The following CCND3 variants were observed in gnomAD, a reference collection of about 807,000 sequenced individuals.
CCND3 encodes the protein G1/S-specific cyclin-D3.
Under a neutral mutation model 28.7 loss-of-function variants are expected in CCND3, and 9 were observed. The ratio of observed to expected loss-of-function variants is 0.31; its 90% CI spans 0.19 to 0.55. CCND3 has a LOEUF of 0.55. Ranked by LOEUF, CCND3 falls within the 20% of genes least tolerant of loss-of-function variation. The pLI, the probability that CCND3 is intolerant of heterozygous loss-of-function variation, is 0.93. For synonymous variants in CCND3, 164 were observed against 163.9 expected, an observed-to-expected ratio of 1.00 and a Z score of 0.00; for missense variants, 315 against 385.8, an observed-to-expected ratio of 0.82 and a Z score of 1.54.
At chr6:41,944,476 A>C (rs1776120409), upstream of CCND3, among the ~76,000 whole-genome samples, 1 of 151,282 alleles carries the variant, frequency 6.6e-6, no homozygotes, top group African/African-American at 2.4e-5. Flanking sequence ...TGCTCTTGTC[A>C]CCAGGCTGGA....
In CCND3 at chr6:41,977,288, C is replaced by T. The variant is rs78706867; in HGVS notation, c.-45-36703G>A. ...GGTTATGAGAGAAAAAACCCATAGT[C>T]TATATATACTGCATTTCATAAAATA... On this transcript the variant is annotated intron_variant, in intron 1 of 4. Coordinates refer to the CCND3 transcript ENST00000372988. 1.6e-3 allele frequency among the ~76,000 whole-genome samples: 249 copies of T among 152,264 alleles called. 1 individual carries two copies. The highest frequency in any genetic ancestry group is 5.5e-3 in the African/African-American group (227 of 41,548).
At chr6:42,000,582 TCTGAGACGGAG>T (rs1762976243) in intron 1 of CCND3, among the ~76,000 whole-genome samples, 1 of 145,766 alleles carries the variant, frequency 6.9e-6, no homozygotes, top group Non-Finnish European at 1.5e-5. Flanking sequence ...TTTTTTTTTT[TCTGAGACGGAG>T]TTTCACTCTT....
chr6:41,952,566 C>T (rs901641500), intron 1 of CCND3, among the ~76,000 whole-genome samples: 22 of 152,166 alleles, frequency 1.4e-4, no homozygotes, highest in African/African-American at 5.1e-4. Context: ...TACTTCCAGC[C>T]TTTTTGTGGG....
chr6:41,997,542 A>G (rs1762845181), intron 1 of CCND3, among the ~76,000 whole-genome samples: 1 of 152,150 alleles, frequency 6.6e-6, no homozygotes, highest in South Asian at 2.1e-4. Context: ...TTAAGAGGCC[A>G]TTACAATAAA....
At chr6:42,044,392 T>G (rs1335319005) in intron 1 of CCND3, among the ~76,000 whole-genome samples, 3 of 152,136 alleles carry the variant, frequency 2.0e-5, no homozygotes. Context: ...GGGCAACAGC[T>G]CCACCTGGTG....
intron 1 of CCND3, among the ~76,000 whole-genome samples, chr6:42,042,418 T>G (rs1764398780): frequency 6.6e-6 from 1 of 150,908 alleles, no homozygotes; most frequent in African/African-American, 2.4e-5. Context: ...TGGAGTGCAA[T>G]GGCGCGATCT....
intron 1 of CCND3, among the ~76,000 whole-genome samples, chr6:41,986,410 G>T (rs911010288): frequency 2.0e-5 from 3 of 151,836 alleles, no homozygotes; most frequent in African/African-American, 7.3e-5. Flanking sequence ...CATGAACACA[G>T]AATATCATTC....
At chr6:42,012,071 T>G (rs1386620785) in intron 1 of CCND3, among the ~76,000 whole-genome samples, 1 of 152,178 alleles carries the variant, frequency 6.6e-6, no homozygotes, top group East Asian at 1.9e-4. Flanking sequence ...TGCCCACTCT[T>G]CAAAAATGTT....
upstream of CCND3, among the ~76,000 whole-genome samples, chr6:41,942,757 AAAG>A: frequency 6.6e-6 from 1 of 152,316 alleles, no homozygotes; most frequent in East Asian, 1.9e-4. Context: ...AGAGGCCGAA[AAAG>A]ACCTCCAATA....
intron 1 of CCND3, chr6:42,010,864 G>A (rs1763325868): frequency 6.9e-6 from 1 of 145,334 alleles, no homozygotes; most frequent in South Asian, 2.2e-4. Context: ...TTCCTCTATA[G>A]GCAACTATCT....
intron 1 of CCND3, among the ~76,000 whole-genome samples, chr6:41,949,377 C>CG (rs1253041658): frequency 3.3e-5 from 5 of 152,026 alleles, no homozygotes; most frequent in Non-Finnish European, 5.9e-5. Flanking sequence ...TGGTGACGCA[C>CG]GCCTGTAATC....
intron 1 of CCND3, among the ~76,000 whole-genome samples, chr6:41,994,872 G>A (rs1450917163): frequency 6.6e-6 from 1 of 152,040 alleles, no homozygotes; most frequent in Non-Finnish European, 1.5e-5. Flanking sequence ...AGGAGTTCCA[G>A]ACCAGGCTGG....
chr6:41,962,440 C>A (rs1222278995), intron 1 of CCND3, among the ~76,000 whole-genome samples: 1 of 151,978 alleles, frequency 6.6e-6, no homozygotes, highest in Admixed American at 6.6e-5. Context: ...TGCACATGTG[C>A]TTCTTTTGCT....
chr6:42,007,086 A>G (rs973944781), intron 1 of CCND3, among the ~76,000 whole-genome samples: 2 of 152,118 alleles, frequency 1.3e-5, no homozygotes, highest in Non-Finnish European at 2.9e-5. Flanking sequence ...ACTTCATAAT[A>G]TACATACACA....
chr6:41,949,481 G>A (rs970174270), intron 1 of CCND3, among the ~76,000 whole-genome samples: 4 of 152,126 alleles, frequency 2.6e-5, no homozygotes, highest in African/African-American at 4.8e-5. Context: ...CTCCAGCCCG[G>A]GGGACAGAAT....
upstream of CCND3, among the ~76,000 whole-genome samples, chr6:41,944,018 G>A (rs973095969): frequency 6.6e-6 from 1 of 151,958 alleles, no homozygotes; most frequent in Admixed American, 6.6e-5. Context: ...TTTAAAATCA[G>A]TATTTTTAAA....
intron 1 of CCND3, among the ~76,000 whole-genome samples, chr6:41,949,811 A>G (rs1471515750): frequency 6.6e-6 from 1 of 150,538 alleles, no homozygotes; most frequent in African/African-American, 2.4e-5. Context: ...TACAACCTAC[A>G]GGGCCGGGTG....
intron 1 of CCND3, among the ~76,000 whole-genome samples, chr6:42,035,911 T>C (rs149546377): frequency 2.0e-5 from 3 of 151,356 alleles, no homozygotes; most frequent in African/African-American, 7.3e-5. Flanking sequence ...CTCCTGACTT[T>C]GTGATCCCCC....
intron 1 of CCND3, among the ~76,000 whole-genome samples, chr6:42,044,010 C>T (rs1582196679): frequency 6.6e-6 from 1 of 152,222 alleles, no homozygotes; most frequent in Non-Finnish European, 1.5e-5. Flanking sequence ...GCATAAAAGG[C>T]CATGCCACAT....
Sources: gnomAD v4.1 joint callset for allele counts (sites outside exome capture counted in the v4.1 genomes callset) on GRCh38, gnomAD v4.1.1 for gene constraint, MANE v1.5 for transcripts, NCBI Gene and HGNC (gene_info 2026-07-23, HGNC 2026-07-21) for gene names.